HAPSTR1: variants seen among roughly 807,000 people sequenced by gnomAD.
HAPSTR1 encodes the protein HUWE1 associated protein modifying stress responses, also known as HUWE1-associated protein modifying stress responses 1.
chr16:9,102,836 CTG>C, the HAPSTR1 span: 1 of 763,612 alleles, frequency 1.3e-6, no homozygotes, highest in South Asian at 1.8e-5. Context: ...TTCATTATGA[CTG>C]AAATCATTTC....
At chr16:9,120,897 A>G in the HAPSTR1 span, 1 of 152,102 alleles carries the variant, frequency 6.6e-6, no homozygotes, top group African/African-American at 2.4e-5. Flanking sequence ...ATCTTGTGAC[A>G]GAATAGTATT....
At chr16:9,111,787 T>C in the HAPSTR1 span, 2 of 152,274 alleles carry the variant, frequency 1.3e-5, no homozygotes, top group Non-Finnish European at 2.9e-5. Flanking sequence ...AATTAATATC[T>C]TGTTATCCCA....
the HAPSTR1 span, chr16:9,105,564 T>G: frequency 2.0e-5 from 3 of 152,218 alleles, no homozygotes; most frequent in Non-Finnish European, 2.9e-5. Context: ...TAACATAGAT[T>G]AGTGACTTCA....
chr16:9,097,598 C>G, the HAPSTR1 span, among the ~76,000 whole-genome samples: 1 of 152,172 alleles, frequency 6.6e-6, no homozygotes, highest in Admixed American at 6.5e-5. Context: ...ACAAGTTGGG[C>G]TGGCTTTAGC....
At chr16:9,107,333 G>A in the HAPSTR1 span, 7 of 152,250 alleles carry the variant, frequency 4.6e-5, no homozygotes, top group Non-Finnish European at 1.0e-4. Context: ...TATGGATTTG[G>A]TTAATTTCTA....
the HAPSTR1 span, among the ~76,000 whole-genome samples, chr16:9,101,503 G>T: frequency 6.6e-6 from 1 of 152,074 alleles, no homozygotes; most frequent in East Asian, 1.9e-4. Context: ...TTCTTGTCCT[G>T]GTCCTTTTCA....
chr16:9,116,972 C>G, the HAPSTR1 span: 1 of 1,588,916 alleles, frequency 6.3e-7, no homozygotes, highest in Non-Finnish European at 8.6e-7. Flanking sequence ...TCAACATATA[C>G]TATAATTGCA....
the HAPSTR1 span, among the ~76,000 whole-genome samples, chr16:9,096,114 A>C: frequency 6.6e-6 from 1 of 152,176 alleles, no homozygotes; most frequent in African/African-American, 2.4e-5. Context: ...ATGGTCCTGG[A>C]GACAGTGAAG....
At chr16:9,092,012 C>T in the HAPSTR1 span, 3 of 1,471,468 alleles carry the variant, frequency 2.0e-6, no homozygotes, top group South Asian at 1.3e-5. Context: ...GACGCGGCGG[C>T]GGTGGCGGCG....
the HAPSTR1 span, chr16:9,116,535 T>G: frequency 8.6e-7 from 1 of 1,164,084 alleles, no homozygotes; most frequent in Non-Finnish European, 1.2e-6. Flanking sequence ...AAAACTTAAT[T>G]GCTTACTAGT....
the HAPSTR1 span, among the ~76,000 whole-genome samples, chr16:9,116,275 G>A: frequency 1.3e-5 from 2 of 152,228 alleles, no homozygotes; most frequent in South Asian, 4.2e-4. Context: ...TCATCAGAGG[G>A]GTCTGTTGGA....
chr16:9,110,315 A>C, the HAPSTR1 span: 1 of 152,172 alleles, frequency 6.6e-6, no homozygotes, highest in Non-Finnish European at 1.5e-5. Context: ...ATTTAGGGGT[A>C]TAAGGTTGGA....
At chr16:9,119,475 C>T in the HAPSTR1 span, 1 of 152,256 alleles carries the variant, frequency 6.6e-6, no homozygotes, top group East Asian at 1.9e-4. Flanking sequence ...CTTAGTTCTG[C>T]TCCTGTCGCC....
chr16:9,117,934 A>C, the HAPSTR1 span: 1 of 152,634 alleles, frequency 6.6e-6, no homozygotes, highest in Non-Finnish European at 1.5e-5. Context: ...TAAAATAGCA[A>C]AACCCAACTC....
the HAPSTR1 span, chr16:9,092,855 T>C: frequency 4.9e-6 from 7 of 1,423,568 alleles, no homozygotes; most frequent in East Asian, 2.4e-5. Context: ...TTGTTCTCTT[T>C]CTTTCTCTTT....
the HAPSTR1 span, among the ~76,000 whole-genome samples, chr16:9,093,904 T>C: frequency 2.0e-5 from 3 of 151,990 alleles, no homozygotes; most frequent in Admixed American, 6.6e-5. Flanking sequence ...TTAAGAAATA[T>C]GTAATTAAAT....
the HAPSTR1 span, among the ~76,000 whole-genome samples, chr16:9,094,078 G>A: frequency 6.6e-6 from 1 of 152,096 alleles, no homozygotes; most frequent in Non-Finnish European, 1.5e-5. Flanking sequence ...GCATAAGAAT[G>A]TGCAAATGGC....
At chr16:9,107,139 C>G in the HAPSTR1 span, 2 of 152,340 alleles carry the variant, frequency 1.3e-5, no homozygotes, top group East Asian at 3.9e-4. Context: ...CGGTGTACAT[C>G]TCCAAATTGT....
At chr16:9,114,294 C>A in the HAPSTR1 span, among the ~76,000 whole-genome samples, 7 of 151,984 alleles carry the variant, frequency 4.6e-5, no homozygotes, top group African/African-American at 1.5e-4. Context: ...AGGATATCAC[C>A]CAGGGTGACA....
Sources: allele counts gnomAD v4.1 joint callset (sites outside exome capture counted in the v4.1 genomes callset), GRCh38; gene constraint gnomAD v4.1.1; transcripts MANE v1.5; gene names NCBI Gene and HGNC (gene_info 2026-07-23, HGNC 2026-07-21).